TENM2: variants seen among roughly 807,000 people sequenced by gnomAD.
The protein encoded by TENM2 is teneurin-2.
TENM2 carries 52 observed loss-of-function variants against 245.2 expected under a neutral mutation model. That is an observed-to-expected ratio of 0.21 (90% CI 0.17 to 0.27). TENM2 has a LOEUF of 0.27. TENM2 is among the 10% of genes least tolerant of loss of function. TENM2 has a pLI of 1.00. For missense variants in TENM2, 3,046 were observed against 3,666.8 expected, an observed-to-expected ratio of 0.83 and a Z score of 4.37; for synonymous variants, 1,363 against 1,438.9, an observed-to-expected ratio of 0.95 and a Z score of 1.19.
chr5:168,055,318 C>A (rs1377972878), intron 6 of TENM2, among the ~76,000 whole-genome samples: 1 of 152,184 alleles, frequency 6.6e-6, no homozygotes, highest in Non-Finnish European at 1.5e-5. Flanking sequence ...ATGGCCCACC[C>A]AACATTGCTT....
At chr5:167,453,840 C>G (rs1765750974) in intron 2 of TENM2, among the ~76,000 whole-genome samples, 1 of 152,152 alleles carries the variant, frequency 6.6e-6, no homozygotes, top group Non-Finnish European at 1.5e-5. Context: ...AATTCAGATT[C>G]ATTTTGGAAT....
At chr5:167,388,366 C>G (rs564809914) in intron 2 of TENM2, among the ~76,000 whole-genome samples, 1 of 152,190 alleles carries the variant, frequency 6.6e-6, no homozygotes, top group Non-Finnish European at 1.5e-5. Flanking sequence ...CCTCCCGTTT[C>G]ATTTCTTATT....
intron 3 of TENM2, among the ~76,000 whole-genome samples, chr5:167,927,940 G>C (rs1239872598): frequency 1.3e-5 from 2 of 152,180 alleles, no homozygotes; most frequent in East Asian, 3.9e-4. Flanking sequence ...CGATGATAAA[G>C]GCATACTGTA....
At chr5:168,122,064 T>C (rs538628285) in intron 10 of TENM2, among the ~76,000 whole-genome samples, 1 of 152,260 alleles carries the variant, frequency 6.6e-6, no homozygotes, top group Non-Finnish European at 1.5e-5. Context: ...CAAATGCTTA[T>C]AGCACAGTCT....
At chr5:168,126,406 G>A (rs1349078655) in intron 11 of TENM2, among the ~76,000 whole-genome samples, 3 of 152,160 alleles carry the variant, frequency 2.0e-5, no homozygotes, top group East Asian at 1.9e-4. Context: ...ACATTCTAGC[G>A]AGTATCAAAA....
intron 7 of TENM2, among the ~76,000 whole-genome samples, chr5:168,073,645 A>G (rs1422899653): frequency 6.6e-6 from 1 of 152,238 alleles, no homozygotes; most frequent in Admixed American, 6.5e-5. Context: ...AGCTAGGAAC[A>G]CATGTTACAT....
In TENM2 at chr5:167,496,808, A is replaced by AT. The variant is rs1277657502; in HGVS notation, c.502+121343dup. ...GGGATGCTAGCCATCTGTAGATTTGATTTTTTTTCCCTTCATAGTCCTCAA... is the reference window on the plus strand; with the variant it reads ...GGGATGCTAGCCATCTGTAGATTTGATTTTTTTTTCCCTTCATAGTCCTCAA... On this transcript the variant is annotated intron_variant, in intron 2 of 28. Transcript: ENST00000518659. Among the ~76,000 whole-genome samples, 7 of 151,990 alleles carry AT rather than the reference A, an allele frequency of 4.6e-5. No homozygotes were observed. In the East Asian group the frequency reaches 5.8e-4, roughly 13 times the overall value.
intron 6 of TENM2, among the ~76,000 whole-genome samples, chr5:168,051,100 T>C (rs148772878): frequency 1.1e-4 from 16 of 152,320 alleles, no homozygotes; most frequent in African/African-American, 3.8e-4. Context: ...TTCAGTTTGA[T>C]TGGCCAGGCC....
At chr5:167,837,640 A>T (rs1238171147) in intron 2 of TENM2, among the ~76,000 whole-genome samples, 2 of 152,180 alleles carry the variant, frequency 1.3e-5, no homozygotes, top group Non-Finnish European at 2.9e-5. Context: ...TTCTATTAAG[A>T]TATCCATATT....
intron 13 of TENM2, among the ~76,000 whole-genome samples, chr5:168,166,669 C>T (rs1453752950): frequency 6.6e-6 from 1 of 152,200 alleles, no homozygotes; most frequent in African/African-American, 2.4e-5. Context: ...GACGCTGATG[C>T]AGGTCCTCTT....
chr5:167,600,974 T>G (rs1317310657), intron 2 of TENM2, among the ~76,000 whole-genome samples: 1 of 152,222 alleles, frequency 6.6e-6, no homozygotes, highest in Non-Finnish European at 1.5e-5. Context: ...CATGGCATAA[T>G]TTATTCACTC....
intron 1 of TENM2, among the ~76,000 whole-genome samples, chr5:167,288,571 A>AT (rs1554129556): frequency 6.6e-6 from 1 of 151,678 alleles, no homozygotes; most frequent in African/African-American, 2.4e-5. Flanking sequence ...AAAAAAAAAA[A>AT]AAAGAAAAAG....
intron 7 of TENM2, among the ~76,000 whole-genome samples, chr5:168,069,672 T>G (rs1178392346): frequency 6.6e-6 from 1 of 152,208 alleles, no homozygotes; most frequent in Non-Finnish European, 1.5e-5. Context: ...AGACAGAGGT[T>G]ATGGGCTCAA....
intron 12 of TENM2, among the ~76,000 whole-genome samples, chr5:168,161,563 G>A (rs1052801716): frequency 2.0e-5 from 3 of 152,128 alleles, no homozygotes; most frequent in Admixed American, 6.5e-5. Context: ...TTGCCAGCAC[G>A]TAGGTTTTGT....
intron 27 of TENM2, among the ~76,000 whole-genome samples, chr5:168,250,887 A>G (rs1767053087): frequency 6.6e-6 from 1 of 152,252 alleles, no homozygotes; most frequent in African/African-American, 2.4e-5. Flanking sequence ...ATATTAGGTA[A>G]TGATACATGA....
chr5:167,249,831 T>TG, the TENM2 span, among the ~76,000 whole-genome samples: 11 of 31,480 alleles, frequency 3.5e-4, no homozygotes, highest in Non-Finnish European at 9.7e-4. Context: ...TGTGTTTCTC[T>TG]ATGATAGACA....
the TENM2 span, among the ~76,000 whole-genome samples, chr5:167,208,382 AG>A: frequency 6.6e-6 from 1 of 152,336 alleles, no homozygotes; most frequent in East Asian, 1.9e-4. Flanking sequence ...ATAGAGTGAA[AG>A]GCTCTGAGGT....
In TENM2 at chr5:167,360,454, C is replaced by T. The variant is rs534960876; in HGVS notation, c.227-14744C>T. 9.9e-5 allele frequency among the ~76,000 whole-genome samples: 15 copies of T among 152,230 alleles called. No individual in the cohort carries two copies. In the South Asian group the frequency reaches 3.1e-3, roughly 32 times the overall value. On this transcript the variant is annotated intron_variant, in intron 1 of 28. Coordinates refer to ENST00000518659, the Ensembl canonical transcript of TENM2. The stretch of plus-strand genomic sequence containing the variant: ...AGGCTCTTTGCCTTTGTTCTTCCGG[C>T]CCAGGGTCGCATTCTTTTAGGTTCT...
chr5:167,805,824 G>T (rs1766122318), intron 2 of TENM2, among the ~76,000 whole-genome samples: 1 of 152,070 alleles, frequency 6.6e-6, no homozygotes, highest in African/African-American at 2.4e-5. Context: ...AGTCTGAGAA[G>T]AAAACCAGTT....
Sources: allele counts gnomAD v4.1 joint callset (sites outside exome capture counted in the v4.1 genomes callset), GRCh38; gene constraint gnomAD v4.1.1; transcripts MANE v1.5; gene names NCBI Gene and HGNC (gene_info 2026-07-23, HGNC 2026-07-21).